RAB23: variants seen among roughly 807,000 people sequenced by gnomAD.
RAB23 encodes the protein ras-related protein Rab-23.
Under a neutral mutation model 30.0 loss-of-function variants are expected in RAB23, and 15 were observed. The ratio of observed to expected loss-of-function variants is 0.50; its 90% CI spans 0.33 to 0.77. The LOEUF is 0.77. Ranked by LOEUF, RAB23 falls within the 30% of genes least tolerant of loss-of-function variation. The pLI, the probability that RAB23 is intolerant of heterozygous loss-of-function variation, is 0.02. For synonymous variants in RAB23, 93 were observed against 94.0 expected (o/e 0.99, Z 0.06); for missense variants, 243 against 275.4 (o/e 0.88, Z 0.83).
At chr6:57,208,626 CA>C (rs1168854982) in intron 2 of RAB23, among the ~76,000 whole-genome samples, 11,780 of 47,260 alleles carry the variant, frequency 0.25, 174 homozygotes, top group Non-Finnish European at 0.28. Context: ...GACTCTGTCT[CA>C]AAAAAAAAAA....
chr6:57,215,444 A>G (rs1410603947), intron 1 of RAB23, among the ~76,000 whole-genome samples: 2 of 152,264 alleles, frequency 1.3e-5, no homozygotes, highest in Non-Finnish European at 1.5e-5. Flanking sequence ...TTTGAACGAC[A>G]GTGAATTTCT....
chr6:57,201,718 G>T (rs1765275861), intron 3 of RAB23, among the ~76,000 whole-genome samples: 1 of 152,028 alleles, frequency 6.6e-6, no homozygotes, highest in Non-Finnish European at 1.5e-5. Flanking sequence ...CCCAATCAAG[G>T]ACCAAAAAGA....
chr6:57,212,308 G>C (rs1765687058), intron 1 of RAB23, among the ~76,000 whole-genome samples: 1 of 152,176 alleles, frequency 6.6e-6, no homozygotes, highest in South Asian at 2.1e-4. Flanking sequence ...GACTAGCTGA[G>C]ATTTTTTCAG....
intron 3 of RAB23, among the ~76,000 whole-genome samples, chr6:57,204,776 G>A (rs1765390352): frequency 6.6e-6 from 1 of 152,084 alleles, no homozygotes; most frequent in South Asian, 2.1e-4. Context: ...GGTTTACTAT[G>A]CCTATTATAT....
chr6:57,216,516 C>G (rs927556303), intron 1 of RAB23, among the ~76,000 whole-genome samples: 1 of 152,168 alleles, frequency 6.6e-6, no homozygotes, highest in East Asian at 1.9e-4. Flanking sequence ...CAACATGTCA[C>G]AGGGCAAACC....
Position 57,210,544 on chromosome 6 carries a change from G to C in RAB23, c.-65-99C>G. ...TTATCACATTGCATTGCAAGGATGTGTTTTCATAACTGAGGTCCCTCCCAC... is the reference window on the plus strand; with the variant it reads ...TTATCACATTGCATTGCAAGGATGTCTTTTCATAACTGAGGTCCCTCCCAC... On this transcript the variant is annotated intron_variant, in intron 1 of 6. Transcript: ENST00000468148. 3.8e-6 allele frequency: 3 copies of C among 779,680 alleles called. No homozygotes were observed. The East Asian group carries it at 7.9e-5, about 21-fold the overall frequency. 48.3% of individuals were successfully genotyped at this position (779,680 alleles called of 1,614,324 possible).
At position 57,189,220 on chromosome 6, in the gene RAB23, G is replaced by A. The variant is rs1343029944; in HGVS notation, c.*1241C>T. The A allele has an allele frequency of 2.0e-5, 3 of 152,140 alleles. No individual in the cohort carries two copies. Among genetic ancestry groups the A allele is most frequent in the African/African-American group, 7.2e-5 (3 of 41,420 alleles). 9.4% of individuals were successfully genotyped at this position (152,140 alleles called of 1,614,324 possible). A position where few individuals can be genotyped will look rare whatever the true frequency, so the allele number is the denominator to read the frequency against. ...GTAAAAGAAATGATTCTGTATGTGG[G>A]ACTGACAGCTCTTGAGAAAGTGCTA... On this transcript the variant is annotated 3_prime_UTR_variant, in exon 7 of 7. Transcript: ENST00000468148.
At position 57,201,086 on chromosome 6, in the gene RAB23, CT is replaced by C. The variant is rs1172680869; in HGVS notation, c.242-4481del. ...AATTCAGGAAGGATTTTCTCTCTCT[CT>C]TTTTTTTTTTTTTTGAGATGGAGTC... On this transcript the variant is annotated intron_variant, in intron 3 of 6. Coordinates refer to ENST00000468148, the MANE Select transcript of RAB23 (RefSeq NM_016277.5). Among the ~76,000 whole-genome samples, 470 of 147,892 alleles carry C rather than the reference CT, an allele frequency of 3.2e-3. 3 individuals are homozygous for C. The highest frequency in any genetic ancestry group is 5.3e-3 in the South Asian group (25 of 4,726).
chr6:57,217,227 A>C (rs76807811), intron 1 of RAB23, among the ~76,000 whole-genome samples: 3 of 152,116 alleles, frequency 2.0e-5, no homozygotes, highest in African/African-American at 4.8e-5. Context: ...AAAAAAAAAA[A>C]ACAAAATTAA....
chr6:57,202,286 G>A (rs932167133), intron 3 of RAB23, among the ~76,000 whole-genome samples: 2 of 152,024 alleles, frequency 1.3e-5, no homozygotes, highest in Non-Finnish European at 1.5e-5. Flanking sequence ...TGCCTAGGTG[G>A]CATCTCTCCC....
chr6:57,220,699 C>T (rs1483237499), intron 1 of RAB23, among the ~76,000 whole-genome samples: 1 of 151,966 alleles, frequency 6.6e-6, no homozygotes, highest in African/African-American at 2.4e-5. Context: ...TAGTAATTGC[C>T]AGGGGTAAGG....
intron 3 of RAB23, among the ~76,000 whole-genome samples, chr6:57,205,768 C>T (rs961017598): frequency 4.6e-5 from 7 of 152,064 alleles, no homozygotes; most frequent in East Asian, 1.9e-4. Flanking sequence ...GCTGGACAGA[C>T]GAGGGGAAAC....
intron 3 of RAB23, among the ~76,000 whole-genome samples, chr6:57,204,357 G>A (rs1765378564): frequency 6.6e-6 from 1 of 152,024 alleles, no homozygotes; most frequent in South Asian, 2.1e-4. Flanking sequence ...TGATAATCCA[G>A]GACACACAAA....
At chr6:57,213,674 C>T (rs1056958476) in intron 1 of RAB23, among the ~76,000 whole-genome samples, 2 of 151,918 alleles carry the variant, frequency 1.3e-5, no homozygotes, top group African/African-American at 4.8e-5. Context: ...TATAAACAAA[C>T]ATTAGACATT....
rs1277500944 is a variant in RAB23 at position 57,197,377 on chromosome 6, T to C, written c.242-771A>G. Among the ~76,000 whole-genome samples the C allele has an allele frequency of 5.9e-5, 9 of 152,146 alleles. 1 individual carries two copies. In the South Asian group the frequency reaches 1.7e-3, roughly 28 times the overall value. Reference sequence around the variant, plus strand: ...AAGACTAAAATAAGCAGAAACCTCTTAGAAGAAGCAGTTTTATAAATTATT... The same window carrying C: ...AAGACTAAAATAAGCAGAAACCTCTCAGAAGAAGCAGTTTTATAAATTATT... On this transcript the variant is annotated intron_variant, in intron 3 of 6. Coordinates refer to ENST00000468148, the MANE Select transcript of RAB23 (RefSeq NM_016277.5).
intron 3 of RAB23, among the ~76,000 whole-genome samples, chr6:57,206,520 T>C (rs1226007609): frequency 1.3e-5 from 2 of 152,120 alleles, no homozygotes; most frequent in African/African-American, 4.8e-5. Flanking sequence ...GCCACTGTTA[T>C]CAGAAAGGAG....
At chr6:57,200,651 T>A (rs979076901) in intron 3 of RAB23, among the ~76,000 whole-genome samples, 12 of 151,722 alleles carry the variant, frequency 7.9e-5, no homozygotes, top group Non-Finnish European at 1.6e-4. Context: ...ACCTGCTTCA[T>A]CTCAAACCTT....
rs374500812 is a variant in RAB23 at position 57,190,374 on chromosome 6, T to C, written c.*87A>G. The C allele has an allele frequency of 7.8e-5, 118 of 1,516,880 alleles. No individual in the cohort carries two copies. The African/African-American group carries it at 1.4e-3, about 19-fold the overall frequency. The allele number at this position is 1,516,880 out of a possible 1,614,324, so 94.0% of individuals were successfully genotyped here. On this transcript the variant is annotated 3_prime_UTR_variant, in exon 7 of 7. Transcript: ENST00000468148. ...GAGAGCCATTAGGAGCAAAGTCTGC[T>C]GAAAACCTTGTAACATACCATGACA...
chr6:57,190,058 C>T lies in RAB23; in HGVS notation c.*403G>A. ...AGTATTCAGATTCAATACTATTTCGCAGAAAAGCTACATGACCAATTTCAG... is the reference window on the plus strand; with the variant it reads ...AGTATTCAGATTCAATACTATTTCGTAGAAAAGCTACATGACCAATTTCAG... On this transcript the variant is annotated 3_prime_UTR_variant, in exon 7 of 7. Transcript: ENST00000468148. 4.4e-6 allele frequency: 1 copy of T among 227,420 alleles called. No homozygotes were observed. The highest frequency in any genetic ancestry group is 8.8e-6 in the Non-Finnish European group (1 of 113,716). 14.1% of individuals were successfully genotyped at this position (227,420 alleles called of 1,614,324 possible).
Sources: allele counts gnomAD v4.1 joint callset (sites outside exome capture counted in the v4.1 genomes callset), GRCh38; gene constraint gnomAD v4.1.1; transcripts MANE v1.5; gene names NCBI Gene and HGNC (gene_info 2026-07-23, HGNC 2026-07-21).